CDYL2: variants seen among roughly 807,000 people sequenced by gnomAD.
The protein encoded by CDYL2 is chromodomain Y-like protein 2.
A neutral mutation model predicts 49.4 loss-of-function variants in CDYL2; 23 were observed. The ratio of observed to expected loss-of-function variants is 0.47; its 90% CI spans 0.34 to 0.66. The LOEUF is 0.66. Ranked by LOEUF, CDYL2 falls within the 30% of genes least tolerant of loss-of-function variation. The probability of loss-of-function intolerance (pLI) is 0.01; values close to 1 mark genes in which losing one functional copy is unlikely to be tolerated. For synonymous variants in CDYL2, 360 were observed against 268.8 expected (o/e 1.34, Z -3.32); for missense variants, 678 against 656.4 (o/e 1.03, Z -0.36).
chr16:80,755,387 C>A (rs1259916170), intron 1 of CDYL2, among the ~76,000 whole-genome samples: 2 of 152,160 alleles, frequency 1.3e-5, no homozygotes, highest in Non-Finnish European at 2.9e-5. Flanking sequence ...AGTGGAGAAC[C>A]AGAGCCCATA....
rs1906842848 is a variant in CDYL2 at position 80,769,683 on chromosome 16, T to A, written c.24+34467A>T. Among the ~76,000 whole-genome samples the A allele has an allele frequency of 2.0e-5, 3 of 152,198 alleles. No homozygotes were observed. In the South Asian group the frequency reaches 6.2e-4, roughly 32 times the overall value. On this transcript the variant is annotated intron_variant, in intron 1 of 6. Transcript: ENST00000570137. ...TGTGAACAGGAAACCAGTACTTTTA[T>A]GGGTAGAATCTCAGTTCAACTCCCA...
rs1597116130 is a variant in CDYL2, at chr16:80,602,869, AAC to A, written c.*1517_*1518del. The stretch of plus-strand genomic sequence containing the variant: ...GACCCATGGTTTAAACCTCACGCAG[AAC>A]ACATCCCTTCCATTTGTCTGCTCTC... On this transcript the variant is annotated 3_prime_UTR_variant, in exon 7 of 7. Transcript: ENST00000570137. 6.6e-6 allele frequency: 1 copy of A among 151,822 alleles called. No individual in the cohort carries two copies. Among genetic ancestry groups the A allele is most frequent in the African/African-American group, 2.4e-5 (1 of 41,238 alleles). The allele number at this position is 151,822 out of a possible 1,614,324, so 9.4% of individuals were successfully genotyped here. A position where few individuals can be genotyped will look rare whatever the true frequency, so the allele number is the denominator to read the frequency against.
At chr16:80,654,687 C>T (rs562378041) in intron 2 of CDYL2, among the ~76,000 whole-genome samples, 1 of 152,310 alleles carries the variant, frequency 6.6e-6, no homozygotes, top group Admixed American at 6.5e-5. Context: ...CCACCAAACC[C>T]TGCTACATGC....
chr16:80,625,819 G>A (rs937982115), intron 3 of CDYL2, among the ~76,000 whole-genome samples: 2 of 152,116 alleles, frequency 1.3e-5, no homozygotes, highest in Non-Finnish European at 2.9e-5. Flanking sequence ...AGGTGCTGAG[G>A]AAAACAACTG....
chr16:80,755,718 T>C (rs1283503432), intron 1 of CDYL2, among the ~76,000 whole-genome samples: 1 of 152,176 alleles, frequency 6.6e-6, no homozygotes, highest in Non-Finnish European at 1.5e-5. Flanking sequence ...CCAACAGTAC[T>C]GTACAATGCA....
chr16:80,790,468 T>C (rs1034312255), intron 1 of CDYL2, among the ~76,000 whole-genome samples: 1 of 152,222 alleles, frequency 6.6e-6, no homozygotes, highest in Non-Finnish European at 1.5e-5. Context: ...AGGCAGCTAT[T>C]GTGTGGCTCC....
intron 1 of CDYL2, among the ~76,000 whole-genome samples, chr16:80,693,948 G>A (rs1181748801): frequency 6.6e-6 from 1 of 152,122 alleles, no homozygotes; most frequent in Non-Finnish European, 1.5e-5. Flanking sequence ...CAGGGAAAAG[G>A]AGCTGACCCA....
At chr16:80,677,633 G>A (rs1388053626) in intron 2 of CDYL2, among the ~76,000 whole-genome samples, 1 of 152,174 alleles carries the variant, frequency 6.6e-6, no homozygotes, top group South Asian at 2.1e-4. Flanking sequence ...CAGCTACTCG[G>A]GAGGCTGAGG....
chr16:80,618,432 G>A (rs1318385129), intron 4 of CDYL2, among the ~76,000 whole-genome samples: 2 of 152,214 alleles, frequency 1.3e-5, no homozygotes, highest in Non-Finnish European at 2.9e-5. Flanking sequence ...AAGAGGTTTT[G>A]CCCCTCAGCT....
At chr16:80,687,557 G>C (rs1020737584) in intron 1 of CDYL2, among the ~76,000 whole-genome samples, 1 of 150,450 alleles carries the variant, frequency 6.6e-6, no homozygotes, top group African/African-American at 2.5e-5. Flanking sequence ...TGGATGGATG[G>C]CTGGCTGGCT....
chr16:80,634,580 A>G (rs9922043), intron 2 of CDYL2, among the ~76,000 whole-genome samples: 42,788 of 152,016 alleles, frequency 0.28, 9,472 homozygotes, highest in African/African-American at 0.6. Flanking sequence ...AACCAACACG[A>G]CACATGTATA....
intron 1 of CDYL2, among the ~76,000 whole-genome samples, chr16:80,774,446 G>C (rs1291580331): frequency 1.3e-5 from 2 of 152,270 alleles, no homozygotes; most frequent in East Asian, 3.9e-4. Context: ...CAAAGCTTCA[G>C]TTAGACTGAA....
At position 80,608,168 on chromosome 16, in the gene CDYL2, G is replaced by A; in HGVS notation, c.1286C>T (p.Ser429Leu). ...GAACGTGGTGGGCCAGAAGACCTGC[G>A]ACACCAGCCCCCTGCTGCAGGCCTC... The part of the protein sequence containing the change: ...AQEACSRGLV[S>L]QVFWPTTFSQ... The change falls in exon 6 of 7, where the codon TCG becomes TTG. Residue 429 changes from serine to leucine, a missense_variant. Ser to Leu is a moderately radical substitution (Grantham distance 145, BLOSUM62 -2). Transcript: ENST00000570137. 2 of 1,604,574 alleles carry A rather than the reference G, an allele frequency of 1.2e-6. No homozygotes were observed. The highest frequency in any genetic ancestry group is 1.7e-5 in the Admixed American group (1 of 59,066).
intron 2 of CDYL2, among the ~76,000 whole-genome samples, chr16:80,665,505 T>TAAAAAAAAAA (rs35248259): frequency 3.5e-4 from 42 of 121,626 alleles, no homozygotes; most frequent in African/African-American, 1.4e-3. Context: ...TTTTTGCCAT[T>TAAAAAAAAAA]AAAAAAAAAA....
chr16:80,741,758 GC>G (rs554671770), intron 1 of CDYL2, among the ~76,000 whole-genome samples: 152 of 152,178 alleles, frequency 1.0e-3, no homozygotes, highest in African/African-American at 3.5e-3. Flanking sequence ...CACAAAATTG[GC>G]AAAAATTAAA....
At chr16:80,771,445 T>G (rs1906901565) in intron 1 of CDYL2, among the ~76,000 whole-genome samples, 2 of 152,254 alleles carry the variant, frequency 1.3e-5, no homozygotes, top group Non-Finnish European at 2.9e-5. Flanking sequence ...AGATCACCCC[T>G]GTAATCCCAG....
intron 3 of CDYL2, among the ~76,000 whole-genome samples, chr16:80,622,543 G>C (rs953239080): frequency 1.3e-5 from 2 of 152,070 alleles, no homozygotes; most frequent in Non-Finnish European, 2.9e-5. Flanking sequence ...ATAAAGACAG[G>C]AATTGCATCT....
intron 2 of CDYL2, among the ~76,000 whole-genome samples, chr16:80,643,880 C>A (rs989756585): frequency 4.6e-5 from 7 of 152,244 alleles, no homozygotes; most frequent in African/African-American, 1.7e-4. Flanking sequence ...CTCTGGCAAA[C>A]CCCGCAGACA....
intron 2 of CDYL2, among the ~76,000 whole-genome samples, chr16:80,669,943 C>T (rs1909431357): frequency 6.6e-6 from 1 of 152,200 alleles, no homozygotes; most frequent in Admixed American, 6.5e-5. Flanking sequence ...TGACTCGGTC[C>T]TGTGAGGCCA....
Sources: allele counts gnomAD v4.1 joint callset (sites outside exome capture counted in the v4.1 genomes callset), GRCh38; gene constraint gnomAD v4.1.1; transcripts MANE v1.5; gene names NCBI Gene and HGNC (gene_info 2026-07-23, HGNC 2026-07-21).